FRMD4A: variants seen among roughly 807,000 people sequenced by gnomAD.
FRMD4A encodes the protein FERM domain containing 4A, also known as FERM domain-containing protein 4A.
A neutral mutation model predicts 129.1 loss-of-function variants in FRMD4A; 29 were observed. That is an observed-to-expected ratio of 0.22 (90% CI 0.17 to 0.31). FRMD4A has a LOEUF of 0.31. Ranked by LOEUF, FRMD4A falls within the 10% of genes least tolerant of loss-of-function variation. The probability of loss-of-function intolerance (pLI) is 1.00; values close to 1 mark genes in which losing one functional copy is unlikely to be tolerated. For synonymous variants in FRMD4A, 634 were observed against 571.6 expected, an observed-to-expected ratio of 1.11 and a Z score of -1.56; for missense variants, 1,272 against 1,375.8, an observed-to-expected ratio of 0.92 and a Z score of 1.19.
intron 2 of FRMD4A, among the ~76,000 whole-genome samples, chr10:14,203,871 T>C (rs1409155395): frequency 6.6e-6 from 1 of 152,242 alleles, no homozygotes; most frequent in Non-Finnish European, 1.5e-5. Flanking sequence ...CCAGCTGTCC[T>C]GAGGTATTAT....
chr10:14,176,535 C>A (rs998433159), intron 2 of FRMD4A, among the ~76,000 whole-genome samples: 5 of 136,116 alleles, frequency 3.7e-5, no homozygotes, highest in Non-Finnish European at 7.5e-5. Flanking sequence ...AGTGCAATGG[C>A]GCAATCTCAG....
intron 2 of FRMD4A, among the ~76,000 whole-genome samples, chr10:13,958,281 GT>G (rs35369777): frequency 0.2 from 20,877 of 103,484 alleles, 684 homozygotes; most frequent in Middle Eastern, 0.33. Flanking sequence ...CATGACCATT[GT>G]TTTTTTTTTT....
At chr10:13,685,349 T>C (rs2084971482) in intron 15 of FRMD4A, 3 of 984,866 alleles carry the variant, frequency 3.0e-6, no homozygotes, top group Non-Finnish European at 3.6e-6. Flanking sequence ...GCAAATGTAA[T>C]TTAACAGAGA....
intron 2 of FRMD4A, among the ~76,000 whole-genome samples, chr10:13,913,920 G>A (rs1168735633): frequency 6.6e-6 from 1 of 152,214 alleles, no homozygotes; most frequent in Non-Finnish European, 1.5e-5. Flanking sequence ...TAGAGGACGG[G>A]GAGACGCAGA....
At chr10:14,201,372 A>T (rs2131940025) in intron 2 of FRMD4A, among the ~76,000 whole-genome samples, 1 of 152,232 alleles carries the variant, frequency 6.6e-6, no homozygotes, top group Non-Finnish European at 1.5e-5. Flanking sequence ...CCATCTCCTG[A>T]CTGGATCCTG....
chr10:13,744,982 T>C (rs529961755), intron 9 of FRMD4A, among the ~76,000 whole-genome samples: 1 of 152,364 alleles, frequency 6.6e-6, no homozygotes, highest in Admixed American at 6.5e-5. Flanking sequence ...AGAAGGAATA[T>C]GTTCTAGCAT....
chr10:13,872,131 A>C (rs2094445289), intron 2 of FRMD4A, among the ~76,000 whole-genome samples: 1 of 152,206 alleles, frequency 6.6e-6, no homozygotes, highest in Admixed American at 6.5e-5. Flanking sequence ...GCCTACACAC[A>C]GTGGAGTCAG....
intron 2 of FRMD4A, among the ~76,000 whole-genome samples, chr10:14,317,596 C>T (rs1846788275): frequency 6.6e-6 from 1 of 152,014 alleles, no homozygotes; most frequent in Non-Finnish European, 1.5e-5. Context: ...CACATATCCT[C>T]AGCACATACC....
chr10:13,796,708 T>C (rs2093126963), intron 4 of FRMD4A, 120 bp from the exon 5 acceptor site: 1 of 590,912 alleles, frequency 1.7e-6, no homozygotes, highest in Admixed American at 2.8e-5. Context: ...CTTCACCTTA[T>C]TTTTAATTTT....
chr10:14,174,886 T>A (rs1269751817), intron 2 of FRMD4A, among the ~76,000 whole-genome samples: 1 of 124,592 alleles, frequency 8.0e-6, no homozygotes, highest in Non-Finnish European at 1.9e-5. Flanking sequence ...TGTCTGTGTG[T>A]GTGTGTGTGT....
At chr10:14,288,073 GC>G (rs1564442253) in intron 2 of FRMD4A, among the ~76,000 whole-genome samples, 1 of 151,820 alleles carries the variant, frequency 6.6e-6, no homozygotes, top group Non-Finnish European at 1.5e-5. Flanking sequence ...AAAGACACTG[GC>G]CCTGAGAAGA....
At chr10:13,782,044 T>C (rs1264637892) in intron 6 of FRMD4A, among the ~76,000 whole-genome samples, 3 of 152,178 alleles carry the variant, frequency 2.0e-5, no homozygotes, top group African/African-American at 4.8e-5. Flanking sequence ...AAGAACTTAC[T>C]CATGTAACTA....
chr10:13,827,730 G>A (rs1397270746), intron 3 of FRMD4A, among the ~76,000 whole-genome samples: 1 of 152,190 alleles, frequency 6.6e-6, no homozygotes, highest in Non-Finnish European at 1.5e-5. Context: ...CCGGCAGTCT[G>A]TAAGTCTGCC....
intron 2 of FRMD4A, among the ~76,000 whole-genome samples, chr10:14,003,290 G>A (rs557592697): frequency 1.3e-5 from 2 of 152,128 alleles, no homozygotes; most frequent in Admixed American, 1.3e-4. Flanking sequence ...GCAGGAAGAC[G>A]CCAGGGTCTA....
Position 13,875,239 on chromosome 10 carries a change from C to A in FRMD4A, c.46-16327G>T, listed in dbSNP as rs546054852. Among the ~76,000 whole-genome samples the A allele has an allele frequency of 2.6e-5, 4 of 152,240 alleles. No homozygotes were observed. In the South Asian group the frequency reaches 8.3e-4, roughly 32 times the overall value. On this transcript the variant is annotated intron_variant, in intron 2 of 24. Transcript: ENST00000357447. ...ATCGTCTGAGTGAGGATGGCTAAAT[C>A]GCTTGAAATAGGAAATAGCCACTGA... is the stretch of plus-strand genomic sequence containing the variant.
chr10:13,746,561 C>A (rs1477826318), intron 9 of FRMD4A, among the ~76,000 whole-genome samples: 1 of 152,112 alleles, frequency 6.6e-6, no homozygotes, highest in Non-Finnish European at 1.5e-5. Context: ...AATCAGTGAA[C>A]AACTAGGTCA....
chr10:13,732,780 C>T (rs2090399819), intron 12 of FRMD4A, among the ~76,000 whole-genome samples: 1 of 152,238 alleles, frequency 6.6e-6, no homozygotes, highest in African/African-American at 2.4e-5. Flanking sequence ...GCTCACCCAG[C>T]CATGAGGCCC....
At chr10:13,689,549 C>CTTTTTTTTTT (rs34800095) in intron 15 of FRMD4A, among the ~76,000 whole-genome samples, 1 of 128,634 alleles carries the variant, frequency 7.8e-6, no homozygotes, top group African/African-American at 3.1e-5. Context: ...TTAGAAGATT[C>CTTTTTTTTTT]TTTTTTTTTT....
chr10:14,039,470 C>A (rs1490984267), intron 2 of FRMD4A, among the ~76,000 whole-genome samples: 1 of 112,466 alleles, frequency 8.9e-6, no homozygotes, highest in African/African-American at 3.3e-5. Flanking sequence ...ATCTATCTAT[C>A]TATCTATCTA....
Sources: allele counts gnomAD v4.1 joint callset (sites outside exome capture counted in the v4.1 genomes callset), GRCh38; gene constraint gnomAD v4.1.1; transcripts MANE v1.5; gene names NCBI Gene and HGNC (gene_info 2026-07-23, HGNC 2026-07-21).